The following SEC14L5 variants were observed in gnomAD, a reference collection of about 807,000 sequenced individuals.
SEC14L5 encodes the protein SEC14-like protein 5.
A neutral mutation model predicts 84.6 loss-of-function variants in SEC14L5; 96 were observed. The observed-to-expected ratio is 1.13, with a 90% CI of 0.96 to 1.34. The LOEUF (loss-of-function observed/expected upper bound fraction) is 1.34, where lower values mean the gene tolerates loss of function less well. SEC14L5 is among the 40% of genes most tolerant of loss of function. The probability of loss-of-function intolerance (pLI) is 0.00; values close to 1 mark genes in which losing one functional copy is unlikely to be tolerated. For synonymous variants in SEC14L5, 546 were observed against 383.4 expected (o/e 1.42, Z -4.95); for missense variants, 1,224 against 942.5 (o/e 1.30, Z -3.91).
chr16:4,988,623 T>C (rs772322870), intron 4 of SEC14L5, among the ~76,000 whole-genome samples: 1 of 152,206 alleles, frequency 6.6e-6, no homozygotes, highest in Non-Finnish European at 1.5e-5. Flanking sequence ...CCTTCCTTCT[T>C]TCATTAAATT....
chr16:4,976,658 C>T (rs914895484), intron 2 of SEC14L5, among the ~76,000 whole-genome samples: 2 of 152,134 alleles, frequency 1.3e-5, no homozygotes, highest in Non-Finnish European at 2.9e-5. Flanking sequence ...GATGGGGACC[C>T]GTAAGAGGCA....
intron 12 of SEC14L5, 63 bp downstream of exon 12, chr16:5,006,111 C>T: frequency 6.4e-7 from 1 of 1,565,236 alleles, no homozygotes; most frequent in Non-Finnish European, 8.8e-7. Flanking sequence ...AGCTGGGAGG[C>T]TGGGATTCCC....
intron 14 of SEC14L5, among the ~76,000 whole-genome samples, chr16:5,010,108 C>T (rs1032628651): frequency 1.2e-4 from 18 of 147,716 alleles, no homozygotes; most frequent in Non-Finnish European, 1.9e-4. Flanking sequence ...TCTGGGAGGC[C>T]GAGGCAGGTG....
intron 1 of SEC14L5, 147 bp from the exon 2 acceptor site, chr16:4,959,126 A>T (rs1327009614): frequency 8.4e-6 from 5 of 595,156 alleles, no homozygotes; most frequent in Non-Finnish European, 1.5e-5. Context: ...CTTGGCCTGG[A>T]GTAATTTGGG....
chr16:4,979,203 G>C (rs1328092802), intron 2 of SEC14L5, among the ~76,000 whole-genome samples: 1 of 152,176 alleles, frequency 6.6e-6, no homozygotes, highest in East Asian at 1.9e-4. Context: ...TGAGCTGAGG[G>C]TATGAACCAG....
At position 5,010,497 on chromosome 16, in the gene SEC14L5, A is replaced by T. The variant is rs140335992; in HGVS notation, c.1801-598A>T. ...GGAATGTCACTCTCTGACTCCCGAAATGACACATGCACACACGCAGCACCA... is the reference window on the plus strand; with the variant it reads ...GGAATGTCACTCTCTGACTCCCGAATTGACACATGCACACACGCAGCACCA... On this transcript the variant is annotated intron_variant, in intron 14 of 15. Coordinates refer to ENST00000251170, the MANE Select transcript of SEC14L5 (RefSeq NM_014692.2). Among the ~76,000 whole-genome samples, 185 of 152,286 alleles carry T rather than the reference A, an allele frequency of 1.2e-3. 1 individual carries two copies. The highest frequency in any genetic ancestry group is 4.0e-3 in the African/African-American group (166 of 41,562).
chr16:4,998,975 G>T (rs1160399948), intron 8 of SEC14L5, among the ~76,000 whole-genome samples: 3 of 152,132 alleles, frequency 2.0e-5, no homozygotes, highest in Non-Finnish European at 4.4e-5. Context: ...CGAAGTATTG[G>T]AGTCGCCCAT....
intron 14 of SEC14L5, 180 bp from the exon 15 acceptor site, chr16:5,010,915 A>G (rs114501609): frequency 6.5e-6 from 4 of 613,946 alleles, no homozygotes; most frequent in South Asian, 2.1e-5. Flanking sequence ...ATATGGGGAT[A>G]ATAGCAAGGA....
At chr16:4,966,995 G>A (rs1303540586) in intron 2 of SEC14L5, among the ~76,000 whole-genome samples, 1 of 152,236 alleles carries the variant, frequency 6.6e-6, no homozygotes, top group Non-Finnish European at 1.5e-5. Flanking sequence ...CAGCTCAGAG[G>A]CAGGTCCATT....
chr16:5,007,907 C>CTTTTTT (rs1191230078), intron 13 of SEC14L5, among the ~76,000 whole-genome samples: 1 of 110,104 alleles, frequency 9.1e-6, no homozygotes, highest in Non-Finnish European at 1.8e-5. Context: ...CGCCTGGCCT[C>CTTTTTT]TTTTTTTTTT....
At chr16:4,980,437 A>G (rs911229590) in intron 2 of SEC14L5, among the ~76,000 whole-genome samples, 1 of 152,082 alleles carries the variant, frequency 6.6e-6, no homozygotes, top group Non-Finnish European at 1.5e-5. Flanking sequence ...CCTTTCTAAC[A>G]AGAGGTTTGT....
chr16:4,975,032 C>A (rs535086429), intron 2 of SEC14L5, among the ~76,000 whole-genome samples: 1 of 152,214 alleles, frequency 6.6e-6, no homozygotes, highest in South Asian at 2.1e-4. Context: ...CCCACCTCAG[C>A]CTCCCAAAGT....
Position 4,963,807 on chromosome 16 carries a change from A to G in SEC14L5, c.63+4421A>G, listed in dbSNP as rs140298042. Among the ~76,000 whole-genome samples the G allele has an allele frequency of 6.4e-3, 972 of 152,262 alleles. 7 individuals carry two copies. Among genetic ancestry groups the G allele is most frequent in the Middle Eastern group, 0.014 (4 of 294 alleles). On this transcript the variant is annotated intron_variant, in intron 2 of 15. Transcript: ENST00000251170. ...TACAGCCTTAGCTGGGAGTACAAGC[A>G]TGCACCACCATACCCGGCTAGTTTT...
At chr16:4,998,238 C>G (rs1201674479) in intron 8 of SEC14L5, among the ~76,000 whole-genome samples, 1 of 151,360 alleles carries the variant, frequency 6.6e-6, no homozygotes, top group African/African-American at 2.4e-5. Context: ...AACTCCTGAC[C>G]TCAAGTGATC....
intron 2 of SEC14L5, among the ~76,000 whole-genome samples, chr16:4,979,211 C>T (rs1229755951): frequency 6.6e-6 from 1 of 152,116 alleles, no homozygotes; most frequent in African/African-American, 2.4e-5. Flanking sequence ...GGGTATGAAC[C>T]AGGCTTCCGT....
At chr16:5,008,372 G>C (rs374456190) in intron 13 of SEC14L5, 49 bp from the exon 14 acceptor site, 94 of 1,392,036 alleles carry the variant, frequency 6.8e-5, no homozygotes, top group Non-Finnish European at 9.3e-5. Flanking sequence ...CCCCACCCCA[G>C]CTCTACTCTC....
At chr16:4,962,165 C>CA (rs540573784) in intron 2 of SEC14L5, among the ~76,000 whole-genome samples, 23,143 of 72,068 alleles carry the variant, frequency 0.32, 2,386 homozygotes, top group Non-Finnish European at 0.35. Context: ...GACTCTGTCT[C>CA]AAAAAAAAAA....
At chr16:4,973,546 G>A (rs1290175331) in intron 2 of SEC14L5, among the ~76,000 whole-genome samples, 1 of 152,260 alleles carries the variant, frequency 6.6e-6, no homozygotes, top group African/African-American at 2.4e-5. Flanking sequence ...CTACCCCATG[G>A]CACAGTCTTC....
rs181815618 is a variant in SEC14L5, at chr16:4,996,540, C to A, written c.780+80C>A. 894 of 726,818 alleles carry A rather than the reference C, an allele frequency of 1.2e-3. 10 individuals carry two copies. In the Admixed American group the frequency reaches 0.018, roughly 14 times the overall value. 45.0% of individuals were successfully genotyped at this position (726,818 alleles called of 1,614,324 possible). On this transcript the variant is annotated intron_variant, in intron 7 of 15. Transcript: ENST00000251170. ...AGCCTCCGTGCATGGGAAGGAAAGG[C>A]GAGATGATAATGCTGACACATTATC...
Sources: gnomAD v4.1 joint callset for allele counts (sites outside exome capture counted in the v4.1 genomes callset) on GRCh38, gnomAD v4.1.1 for gene constraint, MANE v1.5 for transcripts, NCBI Gene and HGNC (gene_info 2026-07-23, HGNC 2026-07-21) for gene names.